CFAP299: variants seen among roughly 807,000 people sequenced by gnomAD.
CFAP299 encodes the protein cilia- and flagella-associated protein 299.
A neutral mutation model predicts 27.0 loss-of-function variants in CFAP299; 21 were observed. The observed-to-expected ratio is 0.78, with a 90% confidence interval of 0.55 to 1.12. CFAP299 has a LOEUF of 1.12. Ranked by LOEUF, CFAP299 falls within the 50% of genes most tolerant of loss-of-function variation. The pLI, the probability that CFAP299 is intolerant of heterozygous loss-of-function variation, is 0.00. For synonymous variants in CFAP299, 104 were observed against 98.1 expected, an observed-to-expected ratio of 1.06 and a Z score of -0.36; for missense variants, 310 against 276.6, an observed-to-expected ratio of 1.12 and a Z score of -0.86.
At chr4:80,858,054 G>A (rs1732040519) in intron 3 of CFAP299, among the ~76,000 whole-genome samples, 1 of 152,068 alleles carries the variant, frequency 6.6e-6, no homozygotes, top group Non-Finnish European at 1.5e-5. Flanking sequence ...TTTTTGGTTG[G>A]TAAGCTATTG....
intron 3 of CFAP299, among the ~76,000 whole-genome samples, chr4:80,611,120 C>T (rs373533880): frequency 1.3e-5 from 2 of 152,170 alleles, no homozygotes; most frequent in East Asian, 3.9e-4. Flanking sequence ...CTTTCATCTC[C>T]TTTTAAAGTC....
At chr4:80,522,083 C>G (rs1732945315) in intron 2 of CFAP299, among the ~76,000 whole-genome samples, 1 of 152,034 alleles carries the variant, frequency 6.6e-6, no homozygotes, top group South Asian at 2.1e-4. Context: ...TAATTCCCAT[C>G]AAAAGTGCAT....
chr4:80,953,520 A>G (rs968991068), intron 5 of CFAP299, among the ~76,000 whole-genome samples: 1 of 152,236 alleles, frequency 6.6e-6, no homozygotes, highest in Non-Finnish European at 1.5e-5. Flanking sequence ...TGAGGAATAC[A>G]TTAAAATTAT....
chr4:80,741,664 G>A (rs553170193), intron 3 of CFAP299, among the ~76,000 whole-genome samples: 1 of 152,250 alleles, frequency 6.6e-6, no homozygotes, highest in South Asian at 2.1e-4. Flanking sequence ...GGGGAGGGAT[G>A]GTGCAAGTAT....
At chr4:80,341,117 A>T (rs1247452250) in intron 1 of CFAP299, among the ~76,000 whole-genome samples, 2 of 151,870 alleles carry the variant, frequency 1.3e-5, no homozygotes, top group Non-Finnish European at 2.9e-5. Context: ...ATTCCTTCCC[A>T]CTGGGCAGGG....
intron 2 of CFAP299, among the ~76,000 whole-genome samples, chr4:80,412,773 T>A (rs1726790554): frequency 6.6e-6 from 1 of 152,206 alleles, no homozygotes; most frequent in South Asian, 2.1e-4. Context: ...CACACACACA[T>A]ACCTATTCAT....
chr4:80,497,690 A>G (rs1731525856), intron 2 of CFAP299, among the ~76,000 whole-genome samples: 1 of 152,106 alleles, frequency 6.6e-6, no homozygotes, highest in Non-Finnish European at 1.5e-5. Context: ...TCCACTTTGA[A>G]ACTTATTTTT....
intron 4 of CFAP299, among the ~76,000 whole-genome samples, chr4:80,932,029 C>G (rs1321636229): frequency 1.3e-5 from 2 of 152,062 alleles, no homozygotes; most frequent in African/African-American, 4.8e-5. Context: ...CTTTTGGAGC[C>G]TGAGAAGTCT....
chr4:80,849,315 TGGTGCATGA>T (rs554780025), intron 3 of CFAP299, among the ~76,000 whole-genome samples: 130 of 152,302 alleles, frequency 8.5e-4, no homozygotes, highest in African/African-American at 3.0e-3. Context: ...GGGACCCCCA[TGGTGCATGA>T]GGTTCGTTGT....
chr4:80,436,689 G>A (rs1728100006), intron 2 of CFAP299, among the ~76,000 whole-genome samples: 1 of 152,124 alleles, frequency 6.6e-6, no homozygotes, highest in Admixed American at 6.5e-5. Context: ...AAGGTATTAA[G>A]CTATCTTGGA....
chr4:80,472,291 G>C (rs1014016147), intron 2 of CFAP299, among the ~76,000 whole-genome samples: 1 of 152,078 alleles, frequency 6.6e-6, no homozygotes, highest in Non-Finnish European at 1.5e-5. Context: ...GTATTTTGAG[G>C]CTTCTTAGGT....
chr4:80,720,761 C>A (rs1427435536), intron 3 of CFAP299, among the ~76,000 whole-genome samples: 2 of 152,056 alleles, frequency 1.3e-5, no homozygotes, highest in Non-Finnish European at 2.9e-5. Flanking sequence ...ATAATAAATT[C>A]TTCTGAATAA....
intron 3 of CFAP299, among the ~76,000 whole-genome samples, chr4:80,675,028 C>T (rs147869731): frequency 0.011 from 1,609 of 152,310 alleles, 22 homozygotes; most frequent in African/African-American, 0.036. Flanking sequence ...CTTCTATCAG[C>T]TCATCAAAGT....
At chr4:80,575,393 A>G (rs531224409) in intron 2 of CFAP299, among the ~76,000 whole-genome samples, 1 of 151,196 alleles carries the variant, frequency 6.6e-6, no homozygotes, top group East Asian at 2.0e-4. Context: ...TGGCACTATC[A>G]CACCTCACTG....
rs144867826 is a variant in CFAP299, at chr4:80,430,420, C to T, written c.242+67536C>T. ...TCCCAAGTTTTCATCTTTGACTGTT[C>T]GTTCTCAATTTCCTTTGCTGGTTCC... is the stretch of plus-strand genomic sequence containing the variant. On this transcript the variant is annotated intron_variant, in intron 2 of 5. Transcript: ENST00000358105. 2.2e-3 allele frequency among the ~76,000 whole-genome samples: 340 copies of T among 152,266 alleles called. 2 individuals are homozygous for T. Among genetic ancestry groups the T allele is most frequent in the East Asian group, 3.1e-3 (16 of 5,178 alleles).
At chr4:80,731,052 A>T (rs1723492382) in intron 3 of CFAP299, among the ~76,000 whole-genome samples, 1 of 152,198 alleles carries the variant, frequency 6.6e-6, no homozygotes, top group Non-Finnish European at 1.5e-5. Flanking sequence ...TGATAGACAC[A>T]CTGACTCACA....
chr4:80,390,857 A>G (rs1182632556), intron 2 of CFAP299, among the ~76,000 whole-genome samples: 1 of 139,302 alleles, frequency 7.2e-6, no homozygotes, highest in Non-Finnish European at 1.6e-5. Flanking sequence ...ATATATGTAT[A>G]TGTATATGCG....
intron 3 of CFAP299, among the ~76,000 whole-genome samples, chr4:80,661,560 G>T (rs1171238829): frequency 1.3e-5 from 2 of 152,098 alleles, no homozygotes; most frequent in Non-Finnish European, 1.5e-5. Flanking sequence ...GATTTCCTAT[G>T]CCTATCTTTA....
intron 3 of CFAP299, among the ~76,000 whole-genome samples, chr4:80,611,230 A>G (rs953697517): frequency 6.6e-6 from 1 of 152,112 alleles, no homozygotes; most frequent in African/African-American, 2.4e-5. Context: ...AAAAGGAAGC[A>G]TAGCTTATTC....
Sources: gnomAD v4.1 joint callset for allele counts (sites outside exome capture counted in the v4.1 genomes callset) on GRCh38, gnomAD v4.1.1 for gene constraint, MANE v1.5 for transcripts, NCBI Gene and HGNC (gene_info 2026-07-23, HGNC 2026-07-21) for gene names.